ZNF346: variants seen among roughly 807,000 people sequenced by gnomAD.
The protein encoded by ZNF346 is zinc finger protein 346.
A neutral mutation model predicts 33.7 loss-of-function variants in ZNF346; 23 were observed. The observed-to-expected ratio is 0.68, with a 90% CI of 0.49 to 0.97. ZNF346 has a LOEUF of 0.97. Ranked by LOEUF, ZNF346 falls within the 50% of genes least tolerant of loss-of-function variation. The probability of loss-of-function intolerance (pLI) is 0.00; values close to 1 mark genes in which losing one functional copy is unlikely to be tolerated. For missense variants in ZNF346, 340 were observed against 371.1 expected, an observed-to-expected ratio of 0.92 and a Z score of 0.69; for synonymous variants, 134 against 142.4, an observed-to-expected ratio of 0.94 and a Z score of 0.42.
At chr5:177,073,267 G>A (rs1344949145) in intron 8 of ZNF346, among the ~76,000 whole-genome samples, 1 of 152,174 alleles carries the variant, frequency 6.6e-6, no homozygotes, top group Non-Finnish European at 1.5e-5. Context: ...GGTATGGTCT[G>A]GTAGGGACCA....
In ZNF346 at chr5:177,036,075, CTT is replaced by C. The variant is rs1778466302; in HGVS notation, c.176-5050_176-5049del. Among the ~76,000 whole-genome samples the C allele has an allele frequency of 5.9e-5, 9 of 151,604 alleles. 1 individual carries two copies. In the South Asian group the frequency reaches 1.9e-3, roughly 32 times the overall value. On this transcript the variant is annotated intron_variant, in intron 1 of 6. Coordinates refer to ENST00000358149, the MANE Select transcript of ZNF346 (RefSeq NM_012279.4). ...GCTGGATAGTTCTGATTCAGGGTCTCTTATGCAGTTGCAGTCAGATGGTGGCT... is the reference window on the plus strand; with the variant it reads ...GCTGGATAGTTCTGATTCAGGGTCTCATGCAGTTGCAGTCAGATGGTGGCT...
chr5:177,076,989 C>T (rs1783782571), intron 8 of ZNF346, among the ~76,000 whole-genome samples: 1 of 152,012 alleles, frequency 6.6e-6, no homozygotes, highest in African/African-American at 2.4e-5. Flanking sequence ...TGCAGTGAGC[C>T]GAGATCACGC....
intron 1 of ZNF346, among the ~76,000 whole-genome samples, chr5:177,036,525 C>G (rs552311843): frequency 6.6e-6 from 1 of 152,050 alleles, no homozygotes. Context: ...CCACGAGGTC[C>G]TTTTGCATCT....
At chr5:177,059,284 T>C (rs959645012) in intron 5 of ZNF346, among the ~76,000 whole-genome samples, 2 of 152,170 alleles carry the variant, frequency 1.3e-5, no homozygotes, top group Non-Finnish European at 2.9e-5. Context: ...TTTCCAGGGT[T>C]CCACACTAAA....
At chr5:177,037,891 T>G (rs986048449) in intron 1 of ZNF346, among the ~76,000 whole-genome samples, 1 of 152,198 alleles carries the variant, frequency 6.6e-6, no homozygotes, top group Non-Finnish European at 1.5e-5. Context: ...CTACTAGGCC[T>G]CATGCTGTCT....
intron 4 of ZNF346, among the ~76,000 whole-genome samples, chr5:177,048,119 AC>A (rs1388534227): frequency 6.6e-6 from 1 of 152,146 alleles, no homozygotes; most frequent in East Asian, 1.9e-4. Context: ...ACTACAGTGA[AC>A]ATCTCTGTAG....
chr5:177,024,602 G>A (rs898266999), intron 1 of ZNF346, among the ~76,000 whole-genome samples: 1 of 152,170 alleles, frequency 6.6e-6, no homozygotes, highest in Non-Finnish European at 1.5e-5. Flanking sequence ...GGAACTGGTT[G>A]AGCTTCAGAG....
intron 1 of ZNF346, among the ~76,000 whole-genome samples, chr5:177,030,459 A>G (rs1233490150): frequency 6.6e-6 from 1 of 151,972 alleles, no homozygotes; most frequent in Non-Finnish European, 1.5e-5. Flanking sequence ...ATCTCTACTA[A>G]AATACAAAAA....
At chr5:177,047,458 C>G (rs1232801250) in intron 4 of ZNF346, among the ~76,000 whole-genome samples, 3 of 151,942 alleles carry the variant, frequency 2.0e-5, no homozygotes, top group Admixed American at 2.0e-4. Flanking sequence ...CCTGCTTCCA[C>G]CTGCTGAATA....
At position 177,041,939 on chromosome 5, in the gene ZNF346, C is replaced by G. The variant is rs113931350; in HGVS notation, c.372+69C>G. 1.1e-3 allele frequency: 1,110 copies of G among 1,009,172 alleles called. 16 individuals carry two copies. In the African/African-American group the frequency reaches 0.015, roughly 13 times the overall value. The allele number at this position is 1,009,172 out of a possible 1,614,324, so 62.5% of individuals were successfully genotyped here. A position where few individuals can be genotyped will look rare whatever the true frequency, so the allele number is the denominator to read the frequency against. ...CCAGCCAGCAGGTTGGTGTGGTGAACAAGTCAGACTGTCTTGGCTTCAAAT... is the reference window on the plus strand; with the variant it reads ...CCAGCCAGCAGGTTGGTGTGGTGAAGAAGTCAGACTGTCTTGGCTTCAAAT... On this transcript the variant is annotated intron_variant, in intron 3 of 6. Transcript: ENST00000358149.
In ZNF346 at chr5:177,022,793, C is replaced by T; in HGVS notation, c.55C>T (p.Pro19Ser). The T allele has an allele frequency of 6.5e-7, 1 of 1,546,964 alleles. No homozygotes were observed. Among genetic ancestry groups the T allele is most frequent in the South Asian group, 1.2e-5 (1 of 84,024 alleles). ...VQAADGGAAG[P>S]YSSSELLEGQ... ...GGCCGCGGACGGCGGAGCGGCCGGGCCTTACAGCAGCTCGGAGTTGCTGGA... is the reference window on the plus strand; with the variant it reads ...GGCCGCGGACGGCGGAGCGGCCGGGTCTTACAGCAGCTCGGAGTTGCTGGA... Residue 19 changes from proline to serine, a missense_variant, in exon 1 of 7, where the codon CCT becomes TCT. Pro to Ser is a moderately conservative substitution (Grantham distance 74). Transcript: ENST00000358149.
intron 1 of ZNF346, among the ~76,000 whole-genome samples, chr5:177,027,999 G>C (rs1340408940): frequency 1.2e-5 from 1 of 83,806 alleles, no homozygotes; most frequent in African/African-American, 4.8e-5. Context: ...TTCTTTACTT[G>C]TTTTAAGTGT....
intron 5 of ZNF346, among the ~76,000 whole-genome samples, chr5:177,056,364 G>A (rs557271546): frequency 1.6e-4 from 24 of 152,292 alleles, no homozygotes; most frequent in Admixed American, 3.3e-4. Context: ...ACAGTGTGGC[G>A]ATTCCTCAAG....
rs536630406 is a variant in ZNF346 at position 177,067,664 on chromosome 5, T to C, written c.*3065T>C. Among the ~76,000 whole-genome samples, 1 of 152,318 alleles carries C rather than the reference T, an allele frequency of 6.6e-6. No homozygotes were observed. Among genetic ancestry groups the C allele is most frequent in the South Asian group, 2.1e-4 (1 of 4,828 alleles). On this transcript the variant is annotated 3_prime_UTR_variant, in exon 7 of 7. Coordinates refer to ENST00000358149, the MANE Select transcript of ZNF346 (RefSeq NM_012279.4). ...TGAACACTTTCTTGCCCTTAGGGGTTCACACACAGTCAAAGATCATGATGA... is the reference window on the plus strand; with the variant it reads ...TGAACACTTTCTTGCCCTTAGGGGTCCACACACAGTCAAAGATCATGATGA...
intron 1 of ZNF346, among the ~76,000 whole-genome samples, chr5:177,034,627 C>G (rs1778218333): frequency 1.3e-5 from 2 of 152,220 alleles, no homozygotes; most frequent in Admixed American, 6.5e-5. Context: ...GCTTCATACT[C>G]TAGATGGCAT....
downstream of ZNF346, among the ~76,000 whole-genome samples, chr5:177,069,834 G>A (rs1783418853): frequency 6.6e-6 from 1 of 151,584 alleles, no homozygotes; most frequent in African/African-American, 2.4e-5. Context: ...CTAGTTTTTC[G>A]TATTTTTTGT....
rs1226897326 is a variant in ZNF346 at position 177,064,838 on chromosome 5, C to T, written c.*239C>T. The T allele has an allele frequency of 2.4e-5, 12 of 510,230 alleles. No homozygotes were observed. Among genetic ancestry groups the T allele is most frequent in the Admixed American group, 6.6e-5 (2 of 30,162 alleles). The allele number at this position is 510,230 out of a possible 1,614,324, so 31.6% of individuals were successfully genotyped here. A position where few individuals can be genotyped will look rare whatever the true frequency, so the allele number is the denominator to read the frequency against. On this transcript the variant is annotated 3_prime_UTR_variant, in exon 7 of 7. Transcript: ENST00000358149. ...AAGGGTATTGAGAGACTCGGGGTCT[C>T]GCGGGGTGGTAGTTTGGAGGGTGGC...
chr5:177,062,044 T>C lies in ZNF346; in HGVS notation c.704-14T>C, dbSNP rs1438747202. On this transcript the variant is annotated splice_polypyrimidine_tract_variant and intron_variant, in intron 5 of 6. Coordinates refer to ENST00000358149, the MANE Select transcript of ZNF346 (RefSeq NM_012279.4). ...TTTCTGGATTACTAAGATCTTGATTTTGATGTGTTTCAGCTGGAAAGGGCT... is the reference window on the plus strand; with the variant it reads ...TTTCTGGATTACTAAGATCTTGATTCTGATGTGTTTCAGCTGGAAAGGGCT... 6.2e-7 allele frequency: 1 copy of C among 1,609,250 alleles called. No individual in the cohort carries two copies. Among genetic ancestry groups the C allele is most frequent in the African/African-American group, 1.3e-5 (1 of 74,744 alleles).
intron 4 of ZNF346, among the ~76,000 whole-genome samples, chr5:177,048,842 A>G (rs374986292): frequency 2.0e-5 from 3 of 149,060 alleles, no homozygotes; most frequent in African/African-American, 7.5e-5. Flanking sequence ...GTGGAGTGCA[A>G]TGGCGCAATC....
Sources: gnomAD v4.1 joint callset for allele counts (sites outside exome capture counted in the v4.1 genomes callset) on GRCh38, gnomAD v4.1.1 for gene constraint, MANE v1.5 for transcripts, NCBI Gene and HGNC (gene_info 2026-07-23, HGNC 2026-07-21) for gene names.